Variants in ADAMTS6 observed in about 807,000 individuals in gnomAD.
ADAMTS6 encodes the protein A disintegrin and metalloproteinase with thrombospondin motifs 6.
A neutral mutation model predicts 144.3 loss-of-function variants in ADAMTS6; 23 were observed. The observed-to-expected ratio is 0.16, with a 90% CI of 0.11 to 0.23. The LOEUF (loss-of-function observed/expected upper bound fraction) is 0.23. ADAMTS6 is among the 10% of genes least tolerant of loss of function. The pLI is 1.00. For synonymous variants in ADAMTS6, 444 were observed against 457.5 expected (o/e 0.97, Z 0.38); for missense variants, 999 against 1,379.6 (o/e 0.72, Z 4.37).
intron 7 of ADAMTS6, among the ~76,000 whole-genome samples, chr5:65,450,456 T>A (rs1758646676): frequency 6.6e-6 from 1 of 152,148 alleles, no homozygotes; most frequent in Non-Finnish European, 1.5e-5. Context: ...TCAATGAACA[T>A]ACCACAGATG....
chr5:65,416,108 GA>G, intron 7 of ADAMTS6: 1 of 194,466 alleles, frequency 5.1e-6, no homozygotes, highest in South Asian at 1.1e-4. Context: ...CTGACCTCCG[GA>G]AGGAGACTGT....
chr5:65,200,979 T>A (rs1315032338), intron 20 of ADAMTS6, among the ~76,000 whole-genome samples: 1 of 152,216 alleles, frequency 6.6e-6, no homozygotes, highest in Non-Finnish European at 1.5e-5. Context: ...TATATTTAAT[T>A]TTCTGCCAAT....
chr5:65,181,676 C>T (rs1222672828), intron 22 of ADAMTS6, among the ~76,000 whole-genome samples: 1 of 152,060 alleles, frequency 6.6e-6, no homozygotes, highest in Non-Finnish European at 1.5e-5. Flanking sequence ...TTAGTATTGG[C>T]AGAAACAAAC....
chr5:65,186,663 C>T (rs114129189), intron 22 of ADAMTS6, among the ~76,000 whole-genome samples: 18 of 152,224 alleles, frequency 1.2e-4, no homozygotes, highest in African/African-American at 4.3e-4. Flanking sequence ...TAATGTATCC[C>T]GTTAGGGAAC....
chr5:65,212,423 CTTTTTTT>C (rs397881866), intron 20 of ADAMTS6, among the ~76,000 whole-genome samples: 3 of 107,842 alleles, frequency 2.8e-5, no homozygotes, highest in South Asian at 3.7e-4. Flanking sequence ...TTTTCTCTCT[CTTTTTTT>C]TTTTTTTTTT....
intron 14 of ADAMTS6, among the ~76,000 whole-genome samples, chr5:65,260,362 C>T (rs1467000991): frequency 6.6e-6 from 1 of 151,938 alleles, no homozygotes; most frequent in Non-Finnish European, 1.5e-5. Flanking sequence ...GTGTGTGTGC[C>T]TCTCTTGATA....
intron 7 of ADAMTS6, among the ~76,000 whole-genome samples, chr5:65,365,914 A>G (rs1447077432): frequency 1.3e-5 from 2 of 152,156 alleles, no homozygotes; most frequent in Non-Finnish European, 2.9e-5. Flanking sequence ...TAATACATCT[A>G]TAGTTCCAGG....
chr5:65,160,813 C>T (rs914426921), intron 24 of ADAMTS6, among the ~76,000 whole-genome samples: 3 of 151,398 alleles, frequency 2.0e-5, no homozygotes, highest in Non-Finnish European at 2.9e-5. Flanking sequence ...CCACCATGCC[C>T]GGATAATTTT....
intron 7 of ADAMTS6, among the ~76,000 whole-genome samples, chr5:65,390,052 T>C (rs1160366301): frequency 1.3e-5 from 2 of 152,200 alleles, no homozygotes; most frequent in Admixed American, 1.3e-4. Flanking sequence ...CTAGCACTCT[T>C]GAACAATTCT....
In ADAMTS6 at chr5:65,157,273, T is replaced by C. The variant is rs77091561; in HGVS notation, c.3245-5328A>G. Reference sequence around the variant, plus strand: ...TGCCAATGAGTTTTTCCCCAGGTGCTTTACATTAATCTTTCAAAACTCTGA... The same window carrying C: ...TGCCAATGAGTTTTTCCCCAGGTGCCTTACATTAATCTTTCAAAACTCTGA... On this transcript the variant is annotated intron_variant, in intron 24 of 24. Transcript: ENST00000381055. 2.1e-3 allele frequency among the ~76,000 whole-genome samples: 321 copies of C among 152,366 alleles called. 8 individuals carry two copies. In the East Asian group the frequency reaches 0.056, roughly 27 times the overall value.
intron 7 of ADAMTS6, among the ~76,000 whole-genome samples, chr5:65,449,028 TC>T (rs1292137037): frequency 6.6e-6 from 1 of 152,172 alleles, no homozygotes; most frequent in Non-Finnish European, 1.5e-5. Context: ...CCTCTGATCC[TC>T]AAAAAATAAC....
rs76055100 is a variant in ADAMTS6, at chr5:65,196,050, C to T, written c.2705+972G>A. Among the ~76,000 whole-genome samples, 1,325 of 152,284 alleles carry T rather than the reference C, an allele frequency of 8.7e-3. 14 individuals carry two copies. Among genetic ancestry groups the T allele is most frequent in the African/African-American group, 0.031 (1,269 of 41,558 alleles). ...TAAAACCATCATTAAAATGAATGGG[C>T]TCTCTCCTTGTTAATCCCTTTACAG... On this transcript the variant is annotated intron_variant, in intron 21 of 24. Coordinates refer to ENST00000381055, the MANE Select transcript of ADAMTS6 (RefSeq NM_197941.4).
intron 18 of ADAMTS6, among the ~76,000 whole-genome samples, chr5:65,219,570 T>C (rs1484650959): frequency 6.6e-6 from 1 of 152,084 alleles, no homozygotes; most frequent in Non-Finnish European, 1.5e-5. Context: ...AAAACAGACT[T>C]TGCATCAAAG....
At chr5:65,290,247 A>G (rs1742160028) in intron 11 of ADAMTS6, among the ~76,000 whole-genome samples, 1 of 152,182 alleles carries the variant, frequency 6.6e-6, no homozygotes, top group South Asian at 2.1e-4. Flanking sequence ...TTAAAAGACT[A>G]TTTGCATAGA....
Position 65,452,837 on chromosome 5 carries a change from A to G in ADAMTS6, c.713T>C (p.Ile238Thr), listed in dbSNP as rs755300839. 3.1e-6 allele frequency: 5 copies of G among 1,614,084 alleles called. No individual in the cohort carries two copies. The highest frequency in any genetic ancestry group is 1.6e-4 in the Middle Eastern group (1 of 6,062). Residue 238 changes from isoleucine (I) to threonine (T), a missense_variant, in exon 5 of 25, where the codon ATC becomes ACC. Ile to Thr is a moderately conservative substitution (Grantham distance 89). This residue lies in a region of ADAMTS6 where 252 missense variants were observed against 293.7 expected (regional missense o/e 0.86). Transcript: ENST00000381055. ...CACTGATCTCTTCTGTCTGTGGTGG[A>G]TATGTGTGTTGTTAATTGGTAGTGA... Reference protein sequence around the residue: ...SYSLPINNTHIHHRQKRSVSI... With the variant: ...SYSLPINNTHTHHRQKRSVSI...
intron 9 of ADAMTS6, among the ~76,000 whole-genome samples, chr5:65,316,101 G>A (rs1490559776): frequency 6.6e-6 from 1 of 152,024 alleles, no homozygotes; most frequent in Non-Finnish European, 1.5e-5. Flanking sequence ...TAGTAGAGAC[G>A]GGGTTTCACC....
intron 7 of ADAMTS6, among the ~76,000 whole-genome samples, chr5:65,392,544 A>C (rs891728295): frequency 6.6e-6 from 1 of 152,150 alleles, no homozygotes; most frequent in African/African-American, 2.4e-5. Context: ...TTTTGTGCTC[A>C]ATTGGTCTCA....
chr5:65,455,333 A>G (rs979887361), intron 4 of ADAMTS6, among the ~76,000 whole-genome samples: 1 of 152,182 alleles, frequency 6.6e-6, no homozygotes, highest in African/African-American at 2.4e-5. Flanking sequence ...ACCTGAGGTC[A>G]GAGCTTGAGG....
intron 15 of ADAMTS6, among the ~76,000 whole-genome samples, chr5:65,239,640 C>G (rs1449832040): frequency 6.6e-6 from 1 of 152,034 alleles, no homozygotes; most frequent in Non-Finnish European, 1.5e-5. Flanking sequence ...TGTGACAAAA[C>G]ATTTGTAAAA....
Sources: allele counts gnomAD v4.1 joint callset (sites outside exome capture counted in the v4.1 genomes callset), GRCh38; gene constraint gnomAD v4.1.1; regional missense constraint gnomAD v4.1.1; transcripts MANE v1.5; gene names NCBI Gene and HGNC (gene_info 2026-07-23, HGNC 2026-07-21).